HNRNPA1L2: variants seen among roughly 807,000 people sequenced by gnomAD.
HNRNPA1L2 encodes the protein heterogeneous nuclear ribonucleoprotein A1 like 2, also known as heterogeneous nuclear ribonucleoprotein A1-like 2.
HNRNPA1L2 carries 10 observed loss-of-function variants against 18.2 expected under a neutral mutation model. The observed-to-expected ratio is 0.55, with a 90% CI of 0.34 to 0.93. The LOEUF (loss-of-function observed/expected upper bound fraction) is 0.93. HNRNPA1L2 is among the 40% of genes least tolerant of loss of function. The pLI, the probability that HNRNPA1L2 is intolerant of heterozygous loss-of-function variation, is 0.02. For synonymous variants in HNRNPA1L2, 124 were observed against 138.6 expected (o/e 0.89, Z 0.74); for missense variants, 308 against 394.4 (o/e 0.78, Z 1.85).
At position 52,643,193 on chromosome 13, in the gene HNRNPA1L2, G is replaced by T. The variant is rs777011473; in HGVS notation, c.701G>T (p.Gly234Val). ...GGTGGCTTTGGTGGCAGCTGTGGTG[G>T]TGGTGGATATGGTGGCAGTGGGGAT... ...GRGGFGGSCG[G>V]GGYGGSGDGY... Residue 234 changes from glycine (G) to valine (V), a missense_variant, in exon 1 of 1, where the codon GGT becomes GTT. Coordinates refer to ENST00000357495, the MANE Select transcript of HNRNPA1L2 (RefSeq NM_001389320.1). 1.3e-6 allele frequency: 2 copies of T among 1,597,778 alleles called. No individual in the cohort carries two copies. The highest frequency in any genetic ancestry group is 2.7e-5 in the African/African-American group (2 of 74,872).
chr13:52,642,335 A>G, upstream of HNRNPA1L2: 1 of 951,530 alleles, frequency 1.1e-6, no homozygotes, highest in Non-Finnish European at 1.6e-6. Context: ...AAAAATGTTC[A>G]GGCCCATATG....
Position 52,643,218 on chromosome 13 carries a change from T to C in HNRNPA1L2, c.726T>C (p.Asp242=). The change falls in exon 1 of 1, where the codon GAT becomes GAC. Residue 242 remains aspartate (D), a synonymous_variant. Coordinates refer to ENST00000357495, the MANE Select transcript of HNRNPA1L2 (RefSeq NM_001389320.1). ...CGGGGYGGSG[D]GYNGFGNDGS... is the part of the protein sequence containing the mutation. ...GTGGTGGATATGGTGGCAGTGGGGATGGCTATAATGGATTTGGTAATGATG... is the reference window on the plus strand; with the variant it reads ...GTGGTGGATATGGTGGCAGTGGGGACGGCTATAATGGATTTGGTAATGATG... 1.9e-6 allele frequency: 3 copies of C among 1,597,392 alleles called. No individual in the cohort carries two copies. The highest frequency in any genetic ancestry group is 2.5e-6 in the Non-Finnish European group (3 of 1,179,676).
At chr13:52,625,500 A>G in the HNRNPA1L2 span, among the ~76,000 whole-genome samples, 1 of 152,228 alleles carries the variant, frequency 6.6e-6, no homozygotes, top group Non-Finnish European at 1.5e-5. Flanking sequence ...GTTCAATGAC[A>G]CAGGCTCCCT....
the HNRNPA1L2 span, among the ~76,000 whole-genome samples, chr13:52,631,049 T>A: frequency 6.6e-6 from 1 of 152,096 alleles, no homozygotes; most frequent in African/African-American, 2.4e-5. Flanking sequence ...TTCAGTGTGT[T>A]AAAAAGCCAG....
the HNRNPA1L2 span, among the ~76,000 whole-genome samples, chr13:52,630,211 G>A: frequency 6.6e-6 from 1 of 152,218 alleles, no homozygotes; most frequent in Non-Finnish European, 1.5e-5. Context: ...CCTGAAAGTG[G>A]TAGTTGAGAA....
chr13:52,640,967 T>C (rs1303796584), upstream of HNRNPA1L2: 1 of 152,222 alleles, frequency 6.6e-6, no homozygotes, highest in Non-Finnish European at 1.5e-5. Flanking sequence ...TCAAAAGCTT[T>C]TAATTTGTCA....
the HNRNPA1L2 span, among the ~76,000 whole-genome samples, chr13:52,633,822 A>C: frequency 6.6e-6 from 1 of 152,038 alleles, no homozygotes; most frequent in Admixed American, 6.6e-5. Context: ...AAAGGGGAAA[A>C]AGAAAATGTT....
In HNRNPA1L2 at chr13:52,642,603, G is replaced by C; in HGVS notation, c.111G>C (p.Trp37Cys). 6.2e-7 allele frequency: 1 copy of C among 1,611,878 alleles called. No homozygotes were observed. ...DESLRSHFEQWGTLTDCVVMR... is the reference protein window; with the variant it reads ...DESLRSHFEQCGTLTDCVVMR... ...GCCTGAGGAGCCATTTTGAGCAATG[G>C]GGAACGCTCACAGACTGTGTGGTAA... The change falls in exon 1 of 1, where the codon TGG becomes TGC. Residue 37 changes from tryptophan to cysteine, a missense_variant. Coordinates refer to ENST00000357495, the MANE Select transcript of HNRNPA1L2 (RefSeq NM_001389320.1).
chr13:52,639,891 T>G (rs9646010), upstream of HNRNPA1L2, among the ~76,000 whole-genome samples: 426 of 122,698 alleles, frequency 3.5e-3, 2 homozygotes, highest in African/African-American at 7.6e-3. Context: ...TTTTTTTTTT[T>G]TTTTGTTTTT....
the HNRNPA1L2 span, among the ~76,000 whole-genome samples, chr13:52,636,327 T>G: frequency 6.6e-6 from 1 of 152,244 alleles, no homozygotes; most frequent in Non-Finnish European, 1.5e-5. Context: ...GATGTATTTT[T>G]AACTTTTTAA....
At chr13:52,629,066 G>A in the HNRNPA1L2 span, among the ~76,000 whole-genome samples, 1 of 151,990 alleles carries the variant, frequency 6.6e-6, no homozygotes, top group Admixed American at 6.6e-5. Context: ...GTAGAGAGGG[G>A]GGTTTCTCCA....
chr13:52,637,367 C>T, the HNRNPA1L2 span: 1 of 235,304 alleles, frequency 4.2e-6, no homozygotes, highest in Non-Finnish European at 9.0e-6. Context: ...ATATGAACAA[C>T]CCCTTGAGAA....
Position 52,643,640 on chromosome 13 carries a change from T to A in HNRNPA1L2, c.*185T>A, listed in dbSNP as rs888626674. The A allele has an allele frequency of 3.7e-5, 23 of 619,282 alleles. No individual in the cohort carries two copies. Among genetic ancestry groups the A allele is most frequent in the African/African-American group, 3.3e-4 (18 of 54,382 alleles). The allele number at this position is 619,282 out of a possible 1,614,324, so 38.4% of individuals were successfully genotyped here. ...ACTCGAGGACTGTATTTGTGACTAA[T>A]TGTATAACAGGTTATTTTAGTTTCT... On this transcript the variant is annotated 3_prime_UTR_variant, in exon 1 of 1. Coordinates refer to ENST00000357495, the MANE Select transcript of HNRNPA1L2 (RefSeq NM_001389320.1).
the HNRNPA1L2 span, among the ~76,000 whole-genome samples, chr13:52,629,813 G>C: frequency 6.6e-6 from 1 of 152,188 alleles, no homozygotes; most frequent in Admixed American, 6.5e-5. Flanking sequence ...GCGTAGGCTG[G>C]GCATGGTGGC....
chr13:52,618,041 A>G, the HNRNPA1L2 span, among the ~76,000 whole-genome samples: 1 of 152,180 alleles, frequency 6.6e-6, no homozygotes, highest in African/African-American at 2.4e-5. Flanking sequence ...TCTTTAGTTC[A>G]TTATTGGAAA....
the HNRNPA1L2 span, among the ~76,000 whole-genome samples, chr13:52,618,295 C>T: frequency 1.3e-5 from 2 of 152,230 alleles, no homozygotes; most frequent in Non-Finnish European, 2.9e-5. Context: ...CTGATGAAAT[C>T]TGAAGGACCA....
the HNRNPA1L2 span, among the ~76,000 whole-genome samples, chr13:52,633,582 C>G: frequency 6.6e-6 from 1 of 152,140 alleles, no homozygotes; most frequent in African/African-American, 2.4e-5. Flanking sequence ...GAGGCTAAGA[C>G]AACAGGATGG....
the HNRNPA1L2 span, among the ~76,000 whole-genome samples, chr13:52,630,637 ATTTGT>A: frequency 3.3e-5 from 5 of 152,104 alleles, no homozygotes; most frequent in Non-Finnish European, 7.4e-5. Context: ...TATTCCGTGG[ATTTGT>A]TTTAAGTAAA....
the HNRNPA1L2 span, among the ~76,000 whole-genome samples, chr13:52,628,184 C>G: frequency 2.6e-5 from 4 of 152,062 alleles, no homozygotes; most frequent in African/African-American, 9.7e-5. Context: ...GGCTCATGCC[C>G]GTAATCCCAG....
Sources: allele counts gnomAD v4.1 joint callset (sites outside exome capture counted in the v4.1 genomes callset), GRCh38; gene constraint gnomAD v4.1.1; transcripts MANE v1.5; gene names NCBI Gene and HGNC (gene_info 2026-07-23, HGNC 2026-07-21).